DUSP29: variants seen among roughly 807,000 people sequenced by gnomAD.
The protein encoded by DUSP29 is dual specificity phosphatase 29.
A neutral mutation model predicts 13.5 loss-of-function variants in DUSP29; 12 were observed. That is an observed-to-expected ratio of 0.89 (90% CI 0.57 to 1.44). The LOEUF is 1.44. Among genes scored for constraint, DUSP29 ranks in the 40% most tolerant of loss-of-function variants. The pLI is 0.00. For synonymous variants in DUSP29, 134 were observed against 128.7 expected (o/e 1.04, Z -0.28); for missense variants, 308 against 301.1 (o/e 1.02, Z -0.17).
intron 1 of DUSP29, among the ~76,000 whole-genome samples, 163 bp downstream of exon 1, chr10:75,073,406 C>T (rs541857959): frequency 1.3e-5 from 2 of 152,326 alleles, no homozygotes; most frequent in Admixed American, 6.5e-5. Context: ...TGGTGTCTCT[C>T]GTAAAAGGAC....
chr10:75,054,076 A>G (rs1454985047), intron 2 of DUSP29, among the ~76,000 whole-genome samples: 1 of 152,192 alleles, frequency 6.6e-6, no homozygotes, highest in Non-Finnish European at 1.5e-5. Context: ...ACTTCTCACT[A>G]TGGGGATTGG....
chr10:75,044,584 A>G (rs1177163786), intron 2 of DUSP29, among the ~76,000 whole-genome samples: 2 of 152,176 alleles, frequency 1.3e-5, no homozygotes, highest in Admixed American at 6.5e-5. Context: ...TGGGCAGAGC[A>G]TTGTTCTGAG....
intron 1 of DUSP29, among the ~76,000 whole-genome samples, chr10:75,059,212 G>C (rs1243720022): frequency 6.6e-6 from 1 of 152,194 alleles, no homozygotes; most frequent in Non-Finnish European, 1.5e-5. Flanking sequence ...TGGAAGAGAT[G>C]CCCCAAGATA....
intron 1 of DUSP29, among the ~76,000 whole-genome samples, chr10:75,060,597 T>A (rs1256567425): frequency 6.6e-6 from 1 of 152,158 alleles, no homozygotes; most frequent in East Asian, 1.9e-4. Flanking sequence ...TTTTACAAAC[T>A]ATATACTACT....
chr10:75,065,649 C>T (rs1336533849), intron 1 of DUSP29, among the ~76,000 whole-genome samples: 2 of 151,862 alleles, frequency 1.3e-5, no homozygotes, highest in African/African-American at 4.8e-5. Context: ...TTTGAAGAGC[C>T]ACATACAGGC....
intron 1 of DUSP29, among the ~76,000 whole-genome samples, chr10:75,072,934 C>T (rs1847364836): frequency 6.6e-6 from 1 of 151,974 alleles, no homozygotes; most frequent in African/African-American, 2.4e-5. Context: ...CGCCTCCTGC[C>T]CACACGCGGT....
In DUSP29 at chr10:75,037,924, T is replaced by G; in HGVS notation, c.575A>C (p.Gln192Pro). The stretch of plus-strand genomic sequence containing the variant: ...CAGCTGCTTGTCCAGCTCCCGGAGC[T>G]GCTTCAAAAAGCCCCGGTTCGGGAG... The part of the protein sequence containing the change: ...CVLPNRGFLK[Q>P]LRELDKQLVQ... The change falls in exon 4 of 4, where the codon CAG becomes CCG. Residue 192 changes from glutamine to proline, a missense_variant. Physicochemically the swap from Gln to Pro is moderately conservative, Grantham distance 76. Transcript: ENST00000338487. The G allele has an allele frequency of 6.2e-7, 1 of 1,613,918 alleles. No homozygotes were observed.
intron 3 of DUSP29, 83 bp downstream of exon 3, chr10:75,043,714 A>AGGGGCG (rs1420696834): frequency 9.1e-7 from 1 of 1,093,886 alleles, no homozygotes; most frequent in African/African-American, 3.2e-5. Flanking sequence ...GGGGCGGGGA[A>AGGGGCG]GGGGCGGGGC....
intron 1 of DUSP29, among the ~76,000 whole-genome samples, chr10:75,065,813 C>G (rs989825345): frequency 6.6e-6 from 1 of 152,096 alleles, no homozygotes; most frequent in African/African-American, 2.4e-5. Flanking sequence ...ACCTCAGCCT[C>G]TAGAGCAGCT....
chr10:75,064,019 G>A (rs1847142594), intron 1 of DUSP29, among the ~76,000 whole-genome samples: 1 of 152,000 alleles, frequency 6.6e-6, no homozygotes, highest in African/African-American at 2.4e-5. Context: ...TATCAGCACA[G>A]GGACTCCTCA....
At chr10:75,049,069 A>G (rs1380556292) in intron 2 of DUSP29, among the ~76,000 whole-genome samples, 1 of 152,226 alleles carries the variant, frequency 6.6e-6, no homozygotes, top group African/African-American at 2.4e-5. Context: ...TTTATGTCAG[A>G]ATGTGCTTAT....
At chr10:75,064,043 T>C (rs1229260269) in intron 1 of DUSP29, among the ~76,000 whole-genome samples, 2 of 151,732 alleles carry the variant, frequency 1.3e-5, no homozygotes, top group African/African-American at 4.8e-5. Context: ...ACTCAGACTC[T>C]AGTTCAGACT....
intron 1 of DUSP29, among the ~76,000 whole-genome samples, chr10:75,067,447 C>A (rs990195199): frequency 1.3e-5 from 2 of 152,174 alleles, no homozygotes; most frequent in Non-Finnish European, 2.9e-5. Context: ...GAGCCAGCAT[C>A]ATTGATTCTG....
At chr10:75,071,322 C>A (rs1429738648) in intron 1 of DUSP29, among the ~76,000 whole-genome samples, 2 of 152,214 alleles carry the variant, frequency 1.3e-5, no homozygotes, top group Non-Finnish European at 2.9e-5. Flanking sequence ...GAAACACCGC[C>A]AGGCCTCGGG....
At chr10:75,065,373 T>C (rs1847174378) in intron 1 of DUSP29, among the ~76,000 whole-genome samples, 2 of 149,734 alleles carry the variant, frequency 1.3e-5, no homozygotes, top group East Asian at 1.9e-4. Flanking sequence ...TCTTTTTTCT[T>C]TTTTTTTTTG....
chr10:75,038,326 GCTC>G (rs1415000139), intron 3 of DUSP29, among the ~76,000 whole-genome samples: 3 of 152,178 alleles, frequency 2.0e-5, no homozygotes, highest in Non-Finnish European at 2.9e-5. Context: ...TGGCTGCTGA[GCTC>G]CTACAGTGTG....
chr10:75,043,741 GCGAGT>G (rs1846637267), intron 3 of DUSP29, 51 bp downstream of exon 3: 10 of 1,476,176 alleles, frequency 6.8e-6, no homozygotes, highest in South Asian at 6.2e-5. Context: ...TACGGGCGGG[GCGAGT>G]CGGGGCGGGG....
intron 2 of DUSP29, among the ~76,000 whole-genome samples, chr10:75,056,554 C>A (rs531551565): frequency 6.6e-6 from 1 of 151,694 alleles, no homozygotes; most frequent in South Asian, 2.1e-4. Context: ...GTAATCCCAG[C>A]TACTCAGGAG....
At chr10:75,058,864 C>G (rs375919780) in intron 1 of DUSP29, among the ~76,000 whole-genome samples, 1 of 152,360 alleles carries the variant, frequency 6.6e-6, no homozygotes. Flanking sequence ...TTAGACTTTA[C>G]TCCTTTGGTT....
Sources: allele counts gnomAD v4.1 joint callset (sites outside exome capture counted in the v4.1 genomes callset), GRCh38; gene constraint gnomAD v4.1.1; transcripts MANE v1.5; gene names NCBI Gene and HGNC (gene_info 2026-07-23, HGNC 2026-07-21).